Variants in PITPNC1 observed in about 807,000 individuals in gnomAD.
PITPNC1 encodes the protein phosphatidylinositol transfer protein cytoplasmic 1, also known as cytoplasmic phosphatidylinositol transfer protein 1.
A neutral mutation model predicts 44.7 loss-of-function variants in PITPNC1; 18 were observed. The observed-to-expected ratio is 0.40, with a 90% confidence interval of 0.28 to 0.60. The LOEUF is 0.60. Among genes scored for constraint, PITPNC1 ranks in the 20% least tolerant of loss-of-function variants. The pLI, the probability that PITPNC1 is intolerant of heterozygous loss-of-function variation, is 0.39. For missense variants in PITPNC1, 290 were observed against 418.4 expected (o/e 0.69, Z 2.68); for synonymous variants, 141 against 149.6 (o/e 0.94, Z 0.42).
chr17:67,631,645 A>ATAT (rs1488483852), intron 5 of PITPNC1, among the ~76,000 whole-genome samples: 14 of 8,004 alleles, frequency 1.7e-3, no homozygotes, highest in East Asian at 0.011. Flanking sequence ...CAAAAAAAAA[A>ATAT]AAAAAAAAAA....
chr17:67,490,112 CTGTGTGTGTGTG>C (rs71354073), intron 1 of PITPNC1, among the ~76,000 whole-genome samples: 32,726 of 144,854 alleles, frequency 0.23, 4,276 homozygotes, highest in South Asian at 0.36. Context: ...ACAGGCTTTT[CTGTGTGTGTGTG>C]TGTGTGTGTG....
At chr17:67,608,252 A>C (rs912026007) in intron 5 of PITPNC1, among the ~76,000 whole-genome samples, 70 of 147,706 alleles carry the variant, frequency 4.7e-4, no homozygotes, top group Non-Finnish European at 9.0e-4. Flanking sequence ...AAAAACAAAA[A>C]AAAACAAAAA....
intron 5 of PITPNC1, among the ~76,000 whole-genome samples, chr17:67,603,856 G>T (rs1184183332): frequency 6.6e-6 from 1 of 151,952 alleles, no homozygotes; most frequent in Non-Finnish European, 1.5e-5. Flanking sequence ...CTTGAACCAG[G>T]GAGGCAGAGG....
chr17:67,604,082 G>A lies in PITPNC1; in HGVS notation c.366+25825G>A, dbSNP rs552523867. On this transcript the variant is annotated intron_variant, in intron 5 of 8. Transcript: ENST00000581322. ...CAAAGGAATATTTTTCTCCTTCCAA[G>A]TTTTACAGGGAGGCAAATATTCTGA... is the stretch of plus-strand genomic sequence containing the variant. 1.7e-4 allele frequency among the ~76,000 whole-genome samples: 26 copies of A among 152,278 alleles called. No homozygotes were observed. The East Asian group carries it at 5.0e-3, about 29-fold the overall frequency.
chr17:67,578,684 C>G (rs960536049), intron 5 of PITPNC1, among the ~76,000 whole-genome samples: 1 of 152,156 alleles, frequency 6.6e-6, no homozygotes, highest in African/African-American at 2.4e-5. Context: ...TATGTGTGAA[C>G]AGAAAAGGAA....
chr17:67,692,083 C>CT (rs2042937207), intron 8 of PITPNC1, among the ~76,000 whole-genome samples: 1 of 151,816 alleles, frequency 6.6e-6, no homozygotes, highest in Non-Finnish European at 1.5e-5. Flanking sequence ...TAAAGGTATA[C>CT]TTTCATGATC....
intron 1 of PITPNC1, among the ~76,000 whole-genome samples, chr17:67,530,085 CTTTTTTTTT>C (rs796278390): frequency 1.4e-5 from 1 of 71,226 alleles, no homozygotes; most frequent in Non-Finnish European, 2.6e-5. Context: ...CAACCCTTGG[CTTTTTTTTT>C]TTTTTTTTTT....
At chr17:67,682,173 C>T (rs2042721126) in intron 8 of PITPNC1, among the ~76,000 whole-genome samples, 1 of 152,018 alleles carries the variant, frequency 6.6e-6, no homozygotes, top group African/African-American at 2.4e-5. Context: ...TGCACTCCAG[C>T]CTGGGGACAG....
At chr17:67,528,938 A>G (rs1043772692) in intron 1 of PITPNC1, among the ~76,000 whole-genome samples, 6 of 152,144 alleles carry the variant, frequency 3.9e-5, no homozygotes, top group African/African-American at 1.4e-4. Context: ...GGAATGGCCC[A>G]GTTCCCATGG....
At chr17:67,473,120 C>G (rs1040203314) in intron 1 of PITPNC1, among the ~76,000 whole-genome samples, 3 of 152,102 alleles carry the variant, frequency 2.0e-5, no homozygotes, top group Non-Finnish European at 4.4e-5. Flanking sequence ...TCGTGATCCA[C>G]CCGCCTTGGC....
intron 1 of PITPNC1, chr17:67,379,300 C>T: frequency 1.0e-6 from 1 of 984,804 alleles, no homozygotes; most frequent in Non-Finnish European, 1.2e-6. Flanking sequence ...GTGAGAGGGG[C>T]GATGTGCTTT....
intron 1 of PITPNC1, among the ~76,000 whole-genome samples, chr17:67,448,572 C>T (rs1274108751): frequency 2.0e-5 from 3 of 152,152 alleles, no homozygotes; most frequent in African/African-American, 7.2e-5. Flanking sequence ...ATCTCACCTC[C>T]GTTTCTCCGC....
intron 1 of PITPNC1, among the ~76,000 whole-genome samples, chr17:67,518,714 A>C (rs1213012575): frequency 2.0e-5 from 3 of 152,178 alleles, no homozygotes; most frequent in African/African-American, 2.4e-5. Flanking sequence ...TAATCCCAAT[A>C]CTTTGGGAGG....
At chr17:67,581,071 A>G (rs2041226111) in intron 5 of PITPNC1, among the ~76,000 whole-genome samples, 1 of 152,228 alleles carries the variant, frequency 6.6e-6, no homozygotes. Context: ...CAGAGGGGAC[A>G]CGTGGCCTCA....
chr17:67,556,850 T>C (rs1481276737), intron 4 of PITPNC1, among the ~76,000 whole-genome samples: 1 of 152,224 alleles, frequency 6.6e-6, no homozygotes, highest in Non-Finnish European at 1.5e-5. Flanking sequence ...GATGAATACA[T>C]AACTGTCAGC....
At chr17:67,640,131 C>T (rs2537840) in intron 6 of PITPNC1, among the ~76,000 whole-genome samples, 12,737 of 151,586 alleles carry the variant, frequency 0.084, 933 homozygotes, top group African/African-American at 0.2. Flanking sequence ...CTGAGAGTAA[C>T]GCAGCTGTTT....
intron 5 of PITPNC1, among the ~76,000 whole-genome samples, chr17:67,628,264 A>G (rs2041919883): frequency 6.6e-6 from 1 of 151,860 alleles, no homozygotes; most frequent in African/African-American, 2.4e-5. Flanking sequence ...ATTTTTGGTG[A>G]TAGCTCCCCA....
intron 2 of PITPNC1, among the ~76,000 whole-genome samples, chr17:67,537,044 T>C (rs572852549): frequency 6.6e-6 from 1 of 152,310 alleles, no homozygotes; most frequent in East Asian, 1.9e-4. Context: ...GAAAATACTA[T>C]ATAAAACATT....
At chr17:67,437,831 G>T (rs2038958126) in intron 1 of PITPNC1, among the ~76,000 whole-genome samples, 1 of 152,200 alleles carries the variant, frequency 6.6e-6, no homozygotes, top group African/African-American at 2.4e-5. Flanking sequence ...ACTTTGGGAG[G>T]CCGAGGCGGG....
Sources: allele counts gnomAD v4.1 joint callset (sites outside exome capture counted in the v4.1 genomes callset), GRCh38; gene constraint gnomAD v4.1.1; transcripts MANE v1.5; gene names NCBI Gene and HGNC (gene_info 2026-07-23, HGNC 2026-07-21).